Variants in COMMD1 observed in about 807,000 individuals in gnomAD.
The protein encoded by COMMD1 is copper metabolism domain containing 1.
COMMD1 carries 10 observed loss-of-function variants against 17.2 expected under a neutral mutation model. The ratio of observed to expected loss-of-function variants is 0.58; its 90% CI spans 0.36 to 0.99. COMMD1 has a LOEUF of 0.99. Among genes scored for constraint, COMMD1 ranks in the 50% least tolerant of loss-of-function variants. The pLI is 0.01. For synonymous variants in COMMD1, 97 were observed against 91.6 expected (o/e 1.06, Z -0.34); for missense variants, 270 against 231.8 (o/e 1.17, Z -1.07).
chr2:62,079,460 C>A (rs928828001), intron 2 of COMMD1, among the ~76,000 whole-genome samples: 1 of 152,170 alleles, frequency 6.6e-6, no homozygotes, highest in Non-Finnish European at 1.5e-5. Flanking sequence ...AAGTCTGGGT[C>A]TGTTTAGTAA....
chr2:61,925,208 T>A (rs1021350304), intron 1 of COMMD1, among the ~76,000 whole-genome samples: 1 of 144,744 alleles, frequency 6.9e-6, no homozygotes, highest in Non-Finnish European at 1.5e-5. Context: ...AGAGAGAGAG[T>A]GAGAGTGAGT....
chr2:61,982,640 A>T (rs1307951301), intron 1 of COMMD1, among the ~76,000 whole-genome samples: 2 of 152,102 alleles, frequency 1.3e-5, no homozygotes, highest in Non-Finnish European at 2.9e-5. Context: ...GGCTTTTATT[A>T]TAGTGAGGTA....
At chr2:62,124,855 T>C (rs1252731029) in intron 2 of COMMD1, among the ~76,000 whole-genome samples, 1 of 152,202 alleles carries the variant, frequency 6.6e-6, no homozygotes, top group Non-Finnish European at 1.5e-5. Flanking sequence ...CTTGGAAAGT[T>C]GATCACTTAG....
At chr2:61,953,464 G>T (rs541406525) in intron 1 of COMMD1, among the ~76,000 whole-genome samples, 1 of 151,588 alleles carries the variant, frequency 6.6e-6, no homozygotes, top group South Asian at 2.1e-4. Context: ...CACCTCCTGG[G>T]TTCAAGCAAT....
At chr2:61,989,302 T>G (rs1277913618) in intron 1 of COMMD1, among the ~76,000 whole-genome samples, 1 of 152,144 alleles carries the variant, frequency 6.6e-6, no homozygotes, top group Non-Finnish European at 1.5e-5. Context: ...TAATTTATCT[T>G]AGGGTTCACG....
chr2:61,929,837 T>TCACCTGAGCCTGGGAGGAC (rs1334369458), intron 1 of COMMD1, among the ~76,000 whole-genome samples: 1 of 151,902 alleles, frequency 6.6e-6, no homozygotes, highest in African/African-American at 2.4e-5. Context: ...GGTGGGAGGA[T>TCACCTGAGCCTGGGAGGAC]CACCTGAGCC....
intron 2 of COMMD1, among the ~76,000 whole-genome samples, chr2:62,051,617 G>C (rs773465467): frequency 6.6e-6 from 1 of 152,044 alleles, no homozygotes; most frequent in Non-Finnish European, 1.5e-5. Context: ...TGGTTAGTTA[G>C]CCCTGTTGCA....
intron 1 of COMMD1, among the ~76,000 whole-genome samples, chr2:61,912,807 T>G (rs539023491): frequency 6.6e-6 from 1 of 152,290 alleles, no homozygotes; most frequent in East Asian, 1.9e-4. Flanking sequence ...TGTAGTAGCT[T>G]TAGCCACTCT....
intron 1 of COMMD1, among the ~76,000 whole-genome samples, chr2:61,900,059 A>G (rs756854298): frequency 6.6e-6 from 1 of 152,240 alleles, no homozygotes; most frequent in Non-Finnish European, 1.5e-5. Context: ...TAGTCATGTT[A>G]AAAGAAAAAC....
intron 1 of COMMD1, among the ~76,000 whole-genome samples, chr2:61,911,064 CAA>C (rs1669893690): frequency 7.0e-6 from 1 of 142,898 alleles, no homozygotes; most frequent in Non-Finnish European, 1.5e-5. Flanking sequence ...GCCTGGGCAA[CAA>C]GAGCGAAACC....
intron 2 of COMMD1, among the ~76,000 whole-genome samples, chr2:62,002,119 G>A (rs947350958): frequency 1.3e-5 from 2 of 151,828 alleles, no homozygotes; most frequent in East Asian, 1.9e-4. Context: ...GCAGTGAGCC[G>A]AGATCATGCC....
chr2:61,936,592 A>G (rs925204502), intron 1 of COMMD1, among the ~76,000 whole-genome samples: 1 of 152,186 alleles, frequency 6.6e-6, no homozygotes, highest in African/African-American at 2.4e-5. Flanking sequence ...AAATTTCTAG[A>G]AACTTCATAT....
intron 1 of COMMD1, among the ~76,000 whole-genome samples, chr2:61,978,421 G>A (rs1165567124): frequency 6.6e-6 from 1 of 152,088 alleles, no homozygotes; most frequent in African/African-American, 2.4e-5. Context: ...CTTTGGGGTT[G>A]ATTAATATCA....
At chr2:62,084,665 A>G (rs897312392) in intron 2 of COMMD1, among the ~76,000 whole-genome samples, 2 of 152,190 alleles carry the variant, frequency 1.3e-5, no homozygotes, top group Non-Finnish European at 2.9e-5. Flanking sequence ...ATATGTCACC[A>G]TCAGTTGCTT....
chr2:62,098,249 T>C (rs2104014163), intron 2 of COMMD1, among the ~76,000 whole-genome samples: 1 of 151,390 alleles, frequency 6.6e-6, no homozygotes, highest in Non-Finnish European at 1.5e-5. Flanking sequence ...TTCTGCCTTC[T>C]GGGTTCAAGC....
At chr2:61,913,782 C>T (rs1343732898) in intron 1 of COMMD1, among the ~76,000 whole-genome samples, 42 of 88,388 alleles carry the variant, frequency 4.8e-4, no homozygotes, top group African/African-American at 1.8e-3. Context: ...GGCAACAGAG[C>T]GAGACTCCAT....
chr2:61,911,725 C>T (rs556826321), intron 1 of COMMD1, among the ~76,000 whole-genome samples: 33 of 152,278 alleles, frequency 2.2e-4, no homozygotes, highest in Non-Finnish European at 3.2e-4. Context: ...TGCATAGGTA[C>T]CAGTGATCCT....
At chr2:61,948,447 G>C (rs1031665230) in intron 1 of COMMD1, among the ~76,000 whole-genome samples, 3 of 152,134 alleles carry the variant, frequency 2.0e-5, no homozygotes, top group African/African-American at 7.2e-5. Context: ...TTAGAATGGA[G>C]CTCTTTTATT....
chr2:61,967,081 C>G (rs1671526630), intron 1 of COMMD1, among the ~76,000 whole-genome samples: 1 of 151,938 alleles, frequency 6.6e-6, no homozygotes, highest in South Asian at 2.1e-4. Flanking sequence ...TAACCAGGAT[C>G]TTTATTATAG....
Sources: gnomAD v4.1 joint callset for allele counts (sites outside exome capture counted in the v4.1 genomes callset) on GRCh38, gnomAD v4.1.1 for gene constraint, MANE v1.5 for transcripts, NCBI Gene and HGNC (gene_info 2026-07-23, HGNC 2026-07-21) for gene names.